The following FMO1 variants were observed in gnomAD, a reference collection of about 807,000 sequenced individuals.
FMO1 encodes flavin-containing monooxygenase 1.
Under a neutral mutation model 45.4 loss-of-function variants are expected in FMO1, and 36 were observed. The observed-to-expected ratio is 0.79, with a 90% CI of 0.61 to 1.05. The LOEUF (loss-of-function observed/expected upper bound fraction) is 1.05. Among genes scored for constraint, FMO1 ranks in the 50% least tolerant of loss-of-function variants. The pLI, the probability that FMO1 is intolerant of heterozygous loss-of-function variation, is 0.00. For missense variants in FMO1, 615 were observed against 640.3 expected (o/e 0.96, Z 0.43); for synonymous variants, 228 against 227.2 (o/e 1.00, Z -0.03).
chr1:171,275,382 G>A lies in FMO1; in HGVS notation c.358G>A (p.Ala120Thr). Reference sequence around the variant, plus strand: ...CAGTGTAACAAAATGCTCAGATTCTGCTGTCTCTGGCCAATGGGAGGTGGT... The same window carrying A: ...CAGTGTAACAAAATGCTCAGATTCTACTGTCTCTGGCCAATGGGAGGTGGT... ...VCSVTKCSDS[A>T]VSGQWEVVTM... is the part of the protein sequence containing the mutation. The change falls in exon 4 of 9, where the codon GCT becomes ACT. Residue 120 changes from alanine to threonine, a missense_variant. Transcript: ENST00000617670. 1 of 1,613,814 alleles carries A rather than the reference G, an allele frequency of 6.2e-7. No homozygotes were observed. The highest frequency in any genetic ancestry group is 8.5e-7 in the Non-Finnish European group (1 of 1,179,814).
rs1156233931 is a variant in FMO1 at position 171,285,827 on chromosome 1, C to T, written c.*283C>T. ...AAGCTGTTCTTGACAGCACTCTGAG[C>T]CATCATACCTCTTTCCCATATAAAC... On this transcript the variant is annotated 3_prime_UTR_variant, in exon 9 of 9. Transcript: ENST00000617670. 3.7e-6 allele frequency: 1 copy of T among 269,390 alleles called. No homozygotes were observed. The highest frequency in any genetic ancestry group is 6.4e-5 in the East Asian group (1 of 15,656). 16.7% of individuals were successfully genotyped at this position (269,390 alleles called of 1,614,324 possible).
chr1:171,258,007 T>C (rs761011937), intron 1 of FMO1, 75 bp from the exon 2 acceptor site: 41 of 1,568,532 alleles, frequency 2.6e-5, no homozygotes, highest in African/African-American at 2.4e-4. Flanking sequence ...CAAATTCTTT[T>C]TCCTGGCTTG....
At chr1:171,255,635 G>C (rs1660113644) in intron 1 of FMO1, among the ~76,000 whole-genome samples, 1 of 152,112 alleles carries the variant, frequency 6.6e-6, no homozygotes, top group Admixed American at 6.5e-5. Flanking sequence ...TGGACACCCT[G>C]GCAGGATAAA....
At chr1:171,278,956 T>A (rs1049716955) in intron 5 of FMO1, 85 bp downstream of exon 5, 46 of 1,064,584 alleles carry the variant, frequency 4.3e-5, no homozygotes, top group Non-Finnish European at 6.4e-6. Context: ...TGATAAATGT[T>A]AAAGGAATAA....
chr1:171,261,144 C>T (rs1341468840), intron 2 of FMO1, among the ~76,000 whole-genome samples: 3 of 152,090 alleles, frequency 2.0e-5, no homozygotes, highest in Non-Finnish European at 4.4e-5. Flanking sequence ...CATGCAGCAG[C>T]CTTCTCTTGA....
At chr1:171,266,376 CTA>C (rs1195914728) in intron 2 of FMO1, among the ~76,000 whole-genome samples, 2 of 152,134 alleles carry the variant, frequency 1.3e-5, no homozygotes, top group African/African-American at 2.4e-5. Flanking sequence ...GCTCTGCAGA[CTA>C]TGTTTGAATA....
rs774219351 is a variant in FMO1, at chr1:171,275,335, T to C, written c.322-11T>C. ...GACAACTGCTAATCATATCTGTGATTCTTTTTTCAGACCAAAGTCTGCAGT... is the reference window on the plus strand; with the variant it reads ...GACAACTGCTAATCATATCTGTGATCCTTTTTTCAGACCAAAGTCTGCAGT... On this transcript the variant is annotated splice_polypyrimidine_tract_variant and intron_variant, in intron 3 of 8. Coordinates refer to ENST00000617670, the MANE Select transcript of FMO1 (RefSeq NM_001282693.2). 5 of 1,612,688 alleles carry C rather than the reference T, an allele frequency of 3.1e-6. No homozygotes were observed. The highest frequency in any genetic ancestry group is 1.7e-6 in the Non-Finnish European group (2 of 1,179,142).
intron 7 of FMO1, 47 bp from the exon 8 acceptor site, chr1:171,283,097 A>T: frequency 1.0e-6 from 1 of 968,244 alleles, no homozygotes; most frequent in Non-Finnish European, 1.7e-6. Flanking sequence ...GTCAACAGCT[A>T]GACCTAAACT....
chr1:171,270,969 ATCTTCATCT>A, intron 3 of FMO1: 1 of 854,038 alleles, frequency 1.2e-6, no homozygotes, highest in Admixed American at 2.1e-5. Context: ...CATCTTCTTC[ATCTTCATCT>A]TCTTCATCTA....
chr1:171,270,887 G>A (rs553412141), intron 3 of FMO1: 16 of 702,128 alleles, frequency 2.3e-5, no homozygotes, highest in Middle Eastern at 4.2e-4. Context: ...TCTTTAAAAG[G>A]AGTGACTTGT....
rs569844623 is a variant in FMO1 at position 171,249,295 on chromosome 1, T to C, written c.-7+672T>C. Among the ~76,000 whole-genome samples the C allele has an allele frequency of 7.8e-4, 119 of 152,328 alleles. 1 individual carries two copies. The highest frequency in any genetic ancestry group is 2.7e-3 in the African/African-American group (111 of 41,578). On this transcript the variant is annotated intron_variant, in intron 1 of 8. Transcript: ENST00000617670. ...TTTAGATATTCAGGTCTATGCCATC[T>C]GTTCTGCAGATGGAGAAACTGAGTC...
At chr1:171,255,437 G>A (rs1660106148) in intron 1 of FMO1, among the ~76,000 whole-genome samples, 1 of 152,222 alleles carries the variant, frequency 6.6e-6, no homozygotes, top group Non-Finnish European at 1.5e-5. Flanking sequence ...CTAGCTCACA[G>A]CAGATCCAGG....
At chr1:171,277,969 T>G (rs1025285413) in intron 4 of FMO1, among the ~76,000 whole-genome samples, 4 of 152,210 alleles carry the variant, frequency 2.6e-5, no homozygotes, top group African/African-American at 9.6e-5. Context: ...TAATGTTGTC[T>G]TAAGAGTATT....
intron 1 of FMO1, among the ~76,000 whole-genome samples, chr1:171,248,830 T>C (rs1659746050): frequency 6.6e-6 from 1 of 151,384 alleles, no homozygotes; most frequent in Non-Finnish European, 1.5e-5. Flanking sequence ...ACAATATCAT[T>C]GATTCAACCA....
chr1:171,277,709 T>C (rs927120480), intron 4 of FMO1, among the ~76,000 whole-genome samples: 1 of 152,192 alleles, frequency 6.6e-6, no homozygotes, highest in African/African-American at 2.4e-5. Context: ...CCATATTGGG[T>C]TCCTGTGCTG....
chr1:171,280,418 A>G (rs1249892321), intron 5 of FMO1, among the ~76,000 whole-genome samples: 4 of 152,138 alleles, frequency 2.6e-5, no homozygotes, highest in Non-Finnish European at 4.4e-5. Flanking sequence ...TCTGTAGACA[A>G]CTCTGATACT....
chr1:171,270,508 T>C (rs2101821615), intron 3 of FMO1: 3 of 923,742 alleles, frequency 3.2e-6, no homozygotes, highest in East Asian at 1.2e-4. Context: ...AATAAAAAAT[T>C]TGTATTTACT....
intron 2 of FMO1, among the ~76,000 whole-genome samples, chr1:171,259,775 A>T (rs1417938820): frequency 6.6e-6 from 1 of 152,176 alleles, no homozygotes; most frequent in Non-Finnish European, 1.5e-5. Context: ...GAATCAAGAG[A>T]AATGAGTCTG....
At chr1:171,258,622 A>C (rs1660261081) in intron 2 of FMO1, among the ~76,000 whole-genome samples, 1 of 152,160 alleles carries the variant, frequency 6.6e-6, no homozygotes, top group South Asian at 2.1e-4. Context: ...AGCTGCTTTT[A>C]CCTGCTTCTT....
Sources: gnomAD v4.1 joint callset for allele counts (sites outside exome capture counted in the v4.1 genomes callset) on GRCh38, gnomAD v4.1.1 for gene constraint, MANE v1.5 for transcripts, NCBI Gene and HGNC (gene_info 2026-07-23, HGNC 2026-07-21) for gene names.